Variants in GTF3C1 observed in about 807,000 individuals in gnomAD.
GTF3C1 encodes general transcription factor IIIC subunit 1.
Under a neutral mutation model 226.7 loss-of-function variants are expected in GTF3C1, and 57 were observed. That is an observed-to-expected ratio of 0.25 (90% confidence interval 0.20 to 0.31). The LOEUF is 0.31. Ranked by LOEUF, GTF3C1 falls within the 10% of genes least tolerant of loss-of-function variation. GTF3C1 has a pLI of 1.00. For missense variants in GTF3C1, 2,217 were observed against 2,776.1 expected (o/e 0.80, Z 4.53); for synonymous variants, 1,090 against 1,084.8 (o/e 1.00, Z -0.09).
chr16:27,469,997 G>T lies in GTF3C1; in HGVS notation c.4814+111C>A. The T allele has an allele frequency of 1.2e-6, 1 of 842,070 alleles. No homozygotes were observed. The allele number at this position is 842,070 out of a possible 1,614,324, so 52.2% of individuals were successfully genotyped here. A position where few individuals can be genotyped will look rare whatever the true frequency, so the allele number is the denominator to read the frequency against. ...GCCTATAATCCCCAGTCACTCATCT[G>T]CAACTCCCATCCCACAAGCTCCCAG... On this transcript the variant is annotated intron_variant, in intron 31 of 36. Transcript: ENST00000356183. The surrounding 1 kb of genome is among the most constrained non-coding windows in gnomAD (Gnocchi z 4.5).
At chr16:27,547,588 C>T (rs1376490548) in intron 1 of GTF3C1, among the ~76,000 whole-genome samples, 3 of 152,174 alleles carry the variant, frequency 2.0e-5, no homozygotes, top group Admixed American at 1.3e-4. Context: ...GACTAGATTA[C>T]TAAAAATCTC....
At chr16:27,497,943 T>C (rs2088345239) in intron 13 of GTF3C1, 122 bp from the exon 14 acceptor site, 2 of 743,332 alleles carry the variant, frequency 2.7e-6, no homozygotes, top group Admixed American at 5.7e-5. Context: ...TTCTGCTCCT[T>C]GTAGGGGCCA....
At chr16:27,483,237 G>T in intron 25 of GTF3C1, 112 bp from the exon 26 acceptor site, 1 of 999,954 alleles carries the variant, frequency 1.0e-6, no homozygotes, top group Non-Finnish European at 1.6e-6. Flanking sequence ...CTTGAAGCAT[G>T]AGTTACTTAT....
chr16:27,516,201 C>A (rs1305387172), intron 6 of GTF3C1, among the ~76,000 whole-genome samples: 2 of 152,222 alleles, frequency 1.3e-5, no homozygotes, highest in South Asian at 2.1e-4. Context: ...CCTAGAGACT[C>A]GTGCGAAGGC....
chr16:27,533,620 T>C (rs1160293372), intron 4 of GTF3C1, among the ~76,000 whole-genome samples: 2 of 152,208 alleles, frequency 1.3e-5, no homozygotes, highest in East Asian at 3.8e-4. Context: ...AGGCAATGTA[T>C]AGACTAGACT....
chr16:27,468,785 C>G (rs1370584133), intron 32 of GTF3C1, among the ~76,000 whole-genome samples: 1 of 152,168 alleles, frequency 6.6e-6, no homozygotes, highest in Non-Finnish European at 1.5e-5. Context: ...AGGTCATCAA[C>G]AGAACTAAAA....
In GTF3C1 at chr16:27,461,098, C is replaced by T; in HGVS notation, c.*252G>A. ...ACCCAGAGACAAGAAGCACCAACTC[C>T]CAGTGTGATGAGGCCAGTTCCCAAG... On this transcript the variant is annotated 3_prime_UTR_variant, in exon 37 of 37. Transcript: ENST00000356183. This position sits in a 1 kb window ranked among gnomAD's most constrained non-coding sequence, Gnocchi z 5.3. 2.3e-6 allele frequency: 1 copy of T among 435,302 alleles called. No individual in the cohort carries two copies. The highest frequency in any genetic ancestry group is 4.1e-6 in the Non-Finnish European group (1 of 241,030). The allele number at this position is 435,302 out of a possible 1,614,324, so 27.0% of individuals were successfully genotyped here.
At position 27,489,708 on chromosome 16, in the gene GTF3C1, T is replaced by G. The variant is rs745457871; in HGVS notation, c.3187A>C (p.Ser1063Arg). ...VRCPRVRKNS[S>R]TDQGSDEEGS... is the part of the protein sequence containing the mutation. The stretch of plus-strand genomic sequence containing the variant: ...TCCTCGTCGCTGCCCTGGTCTGTGC[T>G]GCTGTTCTTCCTGACGCGCGGGCAG... Residue 1063 changes from serine (S) to arginine (R), a missense_variant, in exon 20 of 37, where the codon AGC (serine) becomes CGC (arginine). Physicochemically the swap from Ser to Arg is moderately radical, Grantham distance 110. Coordinates refer to ENST00000356183, the MANE Select transcript of GTF3C1 (RefSeq NM_001520.4). The G allele has an allele frequency of 1.2e-6, 2 of 1,612,376 alleles. No homozygotes were observed. Among genetic ancestry groups the G allele is most frequent in the South Asian group, 2.2e-5 (2 of 90,866 alleles).
chr16:27,474,397 G>A (rs2087922987), intron 29 of GTF3C1, among the ~76,000 whole-genome samples: 2 of 152,152 alleles, frequency 1.3e-5, no homozygotes, highest in Non-Finnish European at 2.9e-5. Context: ...CTAGAAGGCA[G>A]GGGGCCCAGC....
At chr16:27,503,059 C>A in intron 10 of GTF3C1, 64 bp from the exon 11 acceptor site, 1 of 1,286,802 alleles carries the variant, frequency 7.8e-7, no homozygotes, top group Non-Finnish European at 1.1e-6. Flanking sequence ...CCACGCACCA[C>A]ACCTGTGGGT....
Position 27,461,629 on chromosome 16 carries a change from G to A in GTF3C1, c.6118-67C>T, listed in dbSNP as rs1018976009. ...GCCTGCTTGTTGATTTATTCTTCAA[G>A]CATTTATGGAATGCCCCCTCTGTAC... On this transcript the variant is annotated intron_variant, in intron 36 of 36. Coordinates refer to ENST00000356183, the MANE Select transcript of GTF3C1 (RefSeq NM_001520.4). The surrounding 1 kb of genome is among the most constrained non-coding windows in gnomAD (Gnocchi z 5.3). The A allele has an allele frequency of 8.0e-7, 1 of 1,242,312 alleles. No individual in the cohort carries two copies. The highest frequency in any genetic ancestry group is 1.2e-6 in the Non-Finnish European group (1 of 857,484). 77.0% of individuals were successfully genotyped at this position (1,242,312 alleles called of 1,614,324 possible). A position where few individuals can be genotyped will look rare whatever the true frequency, so the allele number is the denominator to read the frequency against.
At position 27,464,311 on chromosome 16, in the gene GTF3C1, G is replaced by T. The variant is rs766347809; in HGVS notation, c.5872+9C>A. On this transcript the variant is annotated intron_variant, in intron 34 of 36. Transcript: ENST00000356183. ...GGTGAGGTGGGGTGGGGGACAAGGC[G>T]CGCGGTACCTCTGGGGTCTTCAGAG... The T allele has an allele frequency of 1.4e-6, 2 of 1,451,754 alleles. No homozygotes were observed. Among genetic ancestry groups the T allele is most frequent in the East Asian group, 5.2e-5 (2 of 38,102 alleles). The allele number at this position is 1,451,754 out of a possible 1,614,324, so 89.9% of individuals were successfully genotyped here.
Position 27,481,151 on chromosome 16 carries a change from T to C in GTF3C1, c.4124A>G (p.Lys1375Arg). 1 of 1,614,220 alleles carries C rather than the reference T, an allele frequency of 6.2e-7. No homozygotes were observed. Among genetic ancestry groups the C allele is most frequent in the Admixed American group, 1.7e-5 (1 of 60,028 alleles). The change falls in exon 27 of 37, where the codon AAA (lysine) becomes AGA (arginine). Residue 1375 changes from lysine (K) to arginine (R), a missense_variant. By Grantham distance (26) the Lys-to-Arg change is conservative. This residue lies in a region of GTF3C1 where 546 missense variants were observed against 663.0 expected (regional missense o/e 0.82). Transcript: ENST00000356183. ...NEFKEFVEKL[K>R]EKFSSALRNS... ...CCTTAGGGCTGAACTGAACTTTTCT[T>C]TAAGCTTCTCCACAAATTCTTTAAA...
intron 27 of GTF3C1, among the ~76,000 whole-genome samples, chr16:27,478,748 A>T (rs1407236605): frequency 1.3e-5 from 2 of 151,956 alleles, no homozygotes; most frequent in Admixed American, 1.3e-4. Context: ...TGCAATGTTC[A>T]CTCACCGACA....
rs765759920 is a variant in GTF3C1 at position 27,495,352 on chromosome 16, T to C, written c.2491A>G (p.Thr831Ala). 6.8e-6 allele frequency: 11 copies of C among 1,614,144 alleles called. No homozygotes were observed. The South Asian group carries it at 1.2e-4, about 18-fold the overall frequency. ...EKPSFISERR[T>A]IKQESGRAGV... is the part of the protein sequence containing the mutation. Reference sequence around the variant, plus strand: ...GCCCTGCCTGACTCCTGCTTTATCGTTCTCCGTTCACTGATGAAGCTTGGC... The same window carrying C: ...GCCCTGCCTGACTCCTGCTTTATCGCTCTCCGTTCACTGATGAAGCTTGGC... Residue 831 changes from threonine to alanine, a missense_variant, in exon 15 of 37, where the codon ACG (threonine) becomes GCG (alanine). By Grantham distance (58) the Thr-to-Ala change is moderately conservative (BLOSUM62 0). This residue lies in a region of GTF3C1 where 353 missense variants were observed against 411.7 expected (regional missense o/e 0.86). Transcript: ENST00000356183.
At chr16:27,528,393 T>C (rs1454285962) in intron 6 of GTF3C1, among the ~76,000 whole-genome samples, 1 of 152,200 alleles carries the variant, frequency 6.6e-6, no homozygotes, top group Non-Finnish European at 1.5e-5. Context: ...ACAGAGATGT[T>C]TGCTGGAAGT....
intron 20 of GTF3C1, 54 bp downstream of exon 20, chr16:27,489,548 A>G: frequency 6.9e-7 from 1 of 1,442,594 alleles, no homozygotes; most frequent in Non-Finnish European, 9.5e-7. Context: ...GGCATCTGAA[A>G]TGAGCACCAC....
At chr16:27,482,643 C>A in intron 26 of GTF3C1, 1 of 458,690 alleles carries the variant, frequency 2.2e-6, no homozygotes. Context: ...AGGCGAAGGG[C>A]AGGAGTCTGG....
intron 29 of GTF3C1, among the ~76,000 whole-genome samples, chr16:27,475,334 T>C (rs1033170608): frequency 1.4e-4 from 22 of 152,262 alleles, no homozygotes; most frequent in African/African-American, 4.8e-4. Context: ...TCTGAATTCA[T>C]CGGCGGGATT....
Sources: gnomAD v4.1 joint callset for allele counts (sites outside exome capture counted in the v4.1 genomes callset) on GRCh38, gnomAD v4.1.1 for gene constraint, gnomAD v4.1.1 regional missense constraint, Gnocchi (gnomAD v3.1) non-coding constraint, MANE v1.5 for transcripts, NCBI Gene and HGNC (gene_info 2026-07-23, HGNC 2026-07-21) for gene names.